The following SYT17 variants were observed in gnomAD, a reference collection of about 807,000 sequenced individuals.
SYT17 encodes synaptotagmin-17.
In SYT17, 22 loss-of-function variants were observed where a neutral mutation model predicts 46.7. That is an observed-to-expected ratio of 0.47 (90% CI 0.34 to 0.67). The LOEUF is 0.67. Among genes scored for constraint, SYT17 ranks in the 30% least tolerant of loss-of-function variants. SYT17 has a pLI of 0.01. For missense variants in SYT17, 519 were observed against 612.8 expected (o/e 0.85, Z 1.62); for synonymous variants, 251 against 248.4 (o/e 1.01, Z -0.10).
At chr16:19,204,437 G>T (rs1268032830) in intron 5 of SYT17, among the ~76,000 whole-genome samples, 1 of 152,082 alleles carries the variant, frequency 6.6e-6, no homozygotes, top group Non-Finnish European at 1.5e-5. Context: ...GGTGAGGGAG[G>T]TCTCTAGAGC....
chr16:19,209,148 C>T (rs1201292419), intron 5 of SYT17, among the ~76,000 whole-genome samples: 2 of 151,772 alleles, frequency 1.3e-5, no homozygotes, highest in Non-Finnish European at 2.9e-5. Context: ...GGATTACAGG[C>T]GCGAGCCACT....
intron 7 of SYT17, among the ~76,000 whole-genome samples, chr16:19,264,082 G>A (rs1969190887): frequency 1.3e-5 from 2 of 152,304 alleles, no homozygotes; most frequent in South Asian, 4.1e-4. Flanking sequence ...CTTCCACCAT[G>A]TGGGGACTCA....
intron 5 of SYT17, among the ~76,000 whole-genome samples, chr16:19,196,775 G>T (rs80300257): frequency 6.6e-6 from 1 of 152,160 alleles, no homozygotes; most frequent in Admixed American, 6.5e-5. Context: ...TGCTCTGGGC[G>T]TTGTGCATTC....
Position 19,249,205 on chromosome 16 carries a change from C to T in SYT17, c.1229-17675C>T, listed in dbSNP as rs569434442. Among the ~76,000 whole-genome samples, 28 of 152,144 alleles carry T rather than the reference C, an allele frequency of 1.8e-4. No homozygotes were observed. The South Asian group carries it at 5.6e-3, about 30-fold the overall frequency. ...AGGAGAATGGTGTGAACCCAGAAGG[C>T]GGAGCTTGCAGTGAGCTGAGATCAT... is the stretch of plus-strand genomic sequence containing the variant. On this transcript the variant is annotated intron_variant, in intron 7 of 7. Coordinates refer to ENST00000355377, the MANE Select transcript of SYT17 (RefSeq NM_016524.4).
chr16:19,224,554 T>G, intron 6 of SYT17, 129 bp from the exon 7 acceptor site: 1 of 1,000,084 alleles, frequency 1.0e-6, no homozygotes, highest in Non-Finnish European at 1.5e-6. Context: ...AATGAAAAGT[T>G]GAATGGGTGG....
At position 19,237,503 on chromosome 16, in the gene SYT17, G is replaced by A. The variant is rs186469612; in HGVS notation, c.1228+12665G>A. Among the ~76,000 whole-genome samples the A allele has an allele frequency of 5.3e-5, 8 of 152,250 alleles. No individual in the cohort carries two copies. The East Asian group carries it at 5.8e-4, about 11-fold the overall frequency. On this transcript the variant is annotated intron_variant, in intron 7 of 7. Coordinates refer to ENST00000355377, the MANE Select transcript of SYT17 (RefSeq NM_016524.4). ...GCCATGGCAACACCTGGAAGTTACC[G>A]TCCCTTTCCACGGCAATGACCCGAC...
chr16:19,232,267 C>T (rs1222204696), intron 7 of SYT17, among the ~76,000 whole-genome samples: 1 of 150,108 alleles, frequency 6.7e-6, no homozygotes, highest in Non-Finnish European at 1.5e-5. Context: ...GACAGACACG[C>T]CTCAATTTTT....
At chr16:19,189,534 G>C (rs151337948) in intron 5 of SYT17, among the ~76,000 whole-genome samples, 63 of 152,146 alleles carry the variant, frequency 4.1e-4, no homozygotes, top group African/African-American at 1.4e-3. Context: ...ATTTTTTGTA[G>C]AGATGGAGTC....
Position 19,168,758 on chromosome 16 carries a change from C to A in SYT17, c.15+97C>A. 7.4e-7 allele frequency: 1 copy of A among 1,356,674 alleles called. No individual in the cohort carries two copies. The highest frequency in any genetic ancestry group is 9.7e-7 in the Non-Finnish European group (1 of 1,030,252). The allele number at this position is 1,356,674 out of a possible 1,614,324, so 84.0% of individuals were successfully genotyped here. ...GCGGAAGGGAGGGCCCACGGCTAGG[C>A]TCCCACAAACTTGCTTCGAGAAAAA... is the stretch of plus-strand genomic sequence containing the variant. On this transcript the variant is annotated intron_variant, in intron 1 of 7. Coordinates refer to ENST00000355377, the MANE Select transcript of SYT17 (RefSeq NM_016524.4). The surrounding 1 kb of genome is among the most constrained non-coding windows in gnomAD (Gnocchi z 6.9).
intron 1 of SYT17, chr16:19,172,382 C>T (rs1964130874): frequency 7.1e-7 from 1 of 1,403,660 alleles, no homozygotes; most frequent in Non-Finnish European, 9.2e-7. Context: ...TTTGGGTTGG[C>T]TACATGGCTA....
At position 19,168,944 on chromosome 16, in the gene SYT17, C is replaced by A. The variant is rs1005254176; in HGVS notation, c.15+283C>A. 2.0e-5 allele frequency among the ~76,000 whole-genome samples: 3 copies of A among 151,252 alleles called. No homozygotes were observed. The highest frequency in any genetic ancestry group is 7.3e-5 in the African/African-American group (3 of 41,178). On this transcript the variant is annotated intron_variant, in intron 1 of 7. Coordinates refer to ENST00000355377, the MANE Select transcript of SYT17 (RefSeq NM_016524.4). The surrounding 1 kb of genome is among the most constrained non-coding windows in gnomAD (Gnocchi z 6.9). ...GGGGGGTGGGGCGGACTTTTCTTCT[C>A]CCCTGCCCCCTCCCTCTCCTTGGCA...
At position 19,267,008 on chromosome 16, in the gene SYT17, C is replaced by A. The variant is rs767508377; in HGVS notation, c.1357C>A (p.Gln453Lys). The part of the protein sequence containing the change: ...MLNTHRTAVE[Q>K]WHSLRSRAEC... ...CAACACGCACCGCACAGCCGTGGAG[C>A]AGTGGCATAGCCTGAGGTCCCGAGC... Residue 453 changes from glutamine (Q) to lysine (K), a missense_variant, in exon 8 of 8, where the codon CAG (glutamine) becomes AAG (lysine). By Grantham distance (53) the Gln-to-Lys change is moderately conservative. Coordinates refer to ENST00000355377, the MANE Select transcript of SYT17 (RefSeq NM_016524.4). The A allele has an allele frequency of 6.2e-7, 1 of 1,612,800 alleles. No homozygotes were observed. Among genetic ancestry groups the A allele is most frequent in the East Asian group, 2.2e-5 (1 of 44,804 alleles).
At chr16:19,172,903 C>T (rs756049838) in intron 2 of SYT17, 126 bp downstream of exon 2, 25 of 1,197,434 alleles carry the variant, frequency 2.1e-5, no homozygotes, top group Non-Finnish European at 2.9e-5. Context: ...TTAATAACGG[C>T]ACAGTTTCCA....
chr16:19,191,640 GAT>G (rs1198727162), intron 5 of SYT17, among the ~76,000 whole-genome samples: 1 of 152,204 alleles, frequency 6.6e-6, no homozygotes, highest in Non-Finnish European at 1.5e-5. Context: ...ATTCAAAAAA[GAT>G]AGAGTGATAG....
chr16:19,239,061 C>T (rs988448717), intron 7 of SYT17, among the ~76,000 whole-genome samples: 5 of 151,560 alleles, frequency 3.3e-5, no homozygotes, highest in East Asian at 2.0e-4. Context: ...GAGGATTGCT[C>T]GGGGCTGGGA....
In SYT17 at chr16:19,168,754, T is replaced by C. The variant is rs947392105; in HGVS notation, c.15+93T>C. On this transcript the variant is annotated intron_variant, in intron 1 of 7. Transcript: ENST00000355377. The surrounding 1 kb of genome is among the most constrained non-coding windows in gnomAD (Gnocchi z 6.9). ...GCGCGCGGAAGGGAGGGCCCACGGC[T>C]AGGCTCCCACAAACTTGCTTCGAGA... The C allele has an allele frequency of 7.3e-7, 1 of 1,375,894 alleles. No individual in the cohort carries two copies. The highest frequency in any genetic ancestry group is 3.1e-5 in the Admixed American group (1 of 31,800). 85.2% of individuals were successfully genotyped at this position (1,375,894 alleles called of 1,614,324 possible).
intron 3 of SYT17, 99 bp from the exon 4 acceptor site, chr16:19,180,292 C>T: frequency 1.5e-6 from 2 of 1,330,854 alleles, no homozygotes; most frequent in East Asian, 2.3e-5. Context: ...TAAAATGAGT[C>T]TGAGAGCGGT....
chr16:19,173,399 TC>T (rs1433166257), intron 2 of SYT17, 30 bp from the exon 3 acceptor site: 3 of 95,786 alleles, frequency 3.1e-5, no homozygotes, highest in African/African-American at 2.3e-4. Context: ...CTCTCCCCCA[TC>T]CCCCCGCCCA....
intron 5 of SYT17, among the ~76,000 whole-genome samples, chr16:19,184,696 A>C (rs543664461): frequency 6.6e-6 from 1 of 152,048 alleles, no homozygotes; most frequent in Non-Finnish European, 1.5e-5. Flanking sequence ...TATCACATGT[A>C]TAGATTCCTG....
Sources: gnomAD v4.1 joint callset for allele counts (sites outside exome capture counted in the v4.1 genomes callset) on GRCh38, gnomAD v4.1.1 for gene constraint, Gnocchi (gnomAD v3.1) non-coding constraint, MANE v1.5 for transcripts, NCBI Gene and HGNC (gene_info 2026-07-23, HGNC 2026-07-21) for gene names.